Variants in RPS6KC1 observed in about 807,000 individuals in gnomAD.
RPS6KC1 encodes the protein ribosomal protein S6 kinase C1, also known as inactive ribosomal protein S6 kinase delta-1.
Under a neutral mutation model 103.8 loss-of-function variants are expected in RPS6KC1, and 54 were observed. That is an observed-to-expected ratio of 0.52 (90% CI 0.42 to 0.65). The LOEUF (loss-of-function observed/expected upper bound fraction) is 0.65, where lower values mean the gene tolerates loss of function less well. Among genes scored for constraint, RPS6KC1 ranks in the 30% least tolerant of loss-of-function variants. The pLI is 0.00. For missense variants in RPS6KC1, 1,151 were observed against 1,253.8 expected (o/e 0.92, Z 1.24); for synonymous variants, 439 against 438.7 (o/e 1.00, Z -0.01).
At chr1:213,583,820 C>CAAAAAAAAAAAAAAAAAA in the RPS6KC1 span, among the ~76,000 whole-genome samples, 6 of 76,584 alleles carry the variant, frequency 7.8e-5, no homozygotes, top group Admixed American at 1.5e-4. Context: ...GATTCTGTCT[C>CAAAAAAAAAAAAAAAAAA]AAAAAAAAAA....
At chr1:213,641,507 C>T in the RPS6KC1 span, among the ~76,000 whole-genome samples, 1 of 152,062 alleles carries the variant, frequency 6.6e-6, no homozygotes, top group Non-Finnish European at 1.5e-5. Context: ...TCTTGCAATG[C>T]TACTCAGATC....
chr1:213,420,336 A>G, the RPS6KC1 span, among the ~76,000 whole-genome samples: 7 of 152,322 alleles, frequency 4.6e-5, no homozygotes, highest in South Asian at 8.3e-4. Flanking sequence ...AAAGTAGGGT[A>G]AAGTGGGACA....
At chr1:213,057,985 C>T (rs1007222926) in intron 1 of RPS6KC1, among the ~76,000 whole-genome samples, 1 of 149,390 alleles carries the variant, frequency 6.7e-6, no homozygotes, top group East Asian at 2.0e-4. Context: ...CCAGGCTGGT[C>T]TCAAACTCCT....
the RPS6KC1 span, among the ~76,000 whole-genome samples, chr1:213,665,164 A>G: frequency 6.6e-6 from 1 of 151,986 alleles, no homozygotes; most frequent in East Asian, 1.9e-4. Flanking sequence ...AGAATAAAGG[A>G]ACATCTTAAT....
chr1:213,784,785 G>T, the RPS6KC1 span, among the ~76,000 whole-genome samples: 7 of 152,264 alleles, frequency 4.6e-5, no homozygotes, highest in African/African-American at 1.7e-4. Context: ...CCAAATTATT[G>T]TTACTGCCTC....
the RPS6KC1 span, among the ~76,000 whole-genome samples, chr1:213,690,719 C>T: frequency 2.5e-4 from 38 of 152,154 alleles, no homozygotes; most frequent in African/African-American, 8.9e-4. Context: ...CTCAGCAAGC[C>T]TCAGTTTTCT....
chr1:213,140,103 T>C (rs2086836091), intron 6 of RPS6KC1, among the ~76,000 whole-genome samples: 1 of 152,048 alleles, frequency 6.6e-6, no homozygotes, highest in Non-Finnish European at 1.5e-5. Context: ...TTTTTGTGGC[T>C]GTTGTGAATG....
the RPS6KC1 span, among the ~76,000 whole-genome samples, chr1:213,476,750 C>T: frequency 1.3e-5 from 2 of 152,170 alleles, no homozygotes; most frequent in Non-Finnish European, 2.9e-5. Context: ...TTTCTCTCTT[C>T]TGACTGTTGC....
intron 6 of RPS6KC1, among the ~76,000 whole-genome samples, chr1:213,143,823 C>CT (rs540171345): frequency 0.012 from 1,597 of 136,000 alleles, 25 homozygotes; most frequent in African/African-American, 0.034. Context: ...TGAGCAGCAC[C>CT]TTTTTTTTTT....
the RPS6KC1 span, among the ~76,000 whole-genome samples, chr1:213,345,860 G>T: frequency 6.6e-6 from 1 of 152,158 alleles, no homozygotes; most frequent in Non-Finnish European, 1.5e-5. Flanking sequence ...GGCTAAAAGT[G>T]GCCTGGTCTT....
At position 213,241,214 on chromosome 1, in the gene RPS6KC1, G is replaced by T. The variant is rs747873585; in HGVS notation, c.1738G>T (p.Ala580Ser). Reference protein sequence around the residue: ...LKFFPNDDPEAVSSPRTSDSL... With the variant: ...LKFFPNDDPESVSSPRTSDSL... ...GTTCTTCCCCAACGATGACCCAGAA[G>T]CAGTTAGTTCTCCAAGAACATCAGA... is the stretch of plus-strand genomic sequence containing the variant. Residue 580 changes from alanine to serine, a missense_variant, in exon 11 of 15, where the codon GCA becomes TCA. Coordinates refer to ENST00000366960, the MANE Select transcript of RPS6KC1 (RefSeq NM_012424.6). The T allele has an allele frequency of 9.3e-6, 15 of 1,613,786 alleles. No individual in the cohort carries two copies. The South Asian group carries it at 1.4e-4, about 15-fold the overall frequency.
At chr1:213,507,339 G>T in the RPS6KC1 span, among the ~76,000 whole-genome samples, 3 of 152,126 alleles carry the variant, frequency 2.0e-5, no homozygotes, top group Non-Finnish European at 4.4e-5. Flanking sequence ...AGCGCAGGGT[G>T]GGGGGCTGAA....
the RPS6KC1 span, among the ~76,000 whole-genome samples, chr1:213,599,434 A>AG: frequency 1.4e-4 from 3 of 21,192 alleles, no homozygotes; most frequent in East Asian, 6.5e-3. Flanking sequence ...AACACTGGAG[A>AG]AAAAAAAAAA....
At chr1:213,115,445 T>C (rs995447163) in intron 4 of RPS6KC1, among the ~76,000 whole-genome samples, 47 of 152,348 alleles carry the variant, frequency 3.1e-4, no homozygotes, top group African/African-American at 1.1e-3. Flanking sequence ...CTTCTCTCTT[T>C]TTTTCTTTAT....
intron 8 of RPS6KC1, among the ~76,000 whole-genome samples, chr1:213,187,115 TG>T: frequency 6.6e-6 from 1 of 152,274 alleles, no homozygotes; most frequent in South Asian, 2.1e-4. Context: ...TTGCCCAGAC[TG>T]GTCTTGAACT....
chr1:213,141,467 G>T (rs1261886581), intron 6 of RPS6KC1, among the ~76,000 whole-genome samples: 1 of 151,796 alleles, frequency 6.6e-6, no homozygotes, highest in African/African-American at 2.4e-5. Context: ...TTTTTGTGGG[G>T]TCAGTAGTAA....
At chr1:213,657,118 CTCCTAGCAA>C in the RPS6KC1 span, among the ~76,000 whole-genome samples, 1 of 151,982 alleles carries the variant, frequency 6.6e-6, no homozygotes, top group Non-Finnish European at 1.5e-5. Context: ...CTTGCATGCA[CTCCTAGCAA>C]TAAGAGACTC....
chr1:213,563,371 T>A, the RPS6KC1 span, among the ~76,000 whole-genome samples: 2 of 152,136 alleles, frequency 1.3e-5, no homozygotes, highest in Non-Finnish European at 2.9e-5. Flanking sequence ...TTGTACAGAT[T>A]ATATATCTGA....
chr1:213,735,578 G>A, the RPS6KC1 span, among the ~76,000 whole-genome samples: 1 of 152,174 alleles, frequency 6.6e-6, no homozygotes, highest in African/African-American at 2.4e-5. Context: ...TACATTGCTA[G>A]TAGCAGAGCA....
Sources: allele counts gnomAD v4.1 joint callset (sites outside exome capture counted in the v4.1 genomes callset), GRCh38; gene constraint gnomAD v4.1.1; transcripts MANE v1.5; gene names NCBI Gene and HGNC (gene_info 2026-07-23, HGNC 2026-07-21).